NUS1: variants seen among roughly 807,000 people sequenced by gnomAD.
The protein encoded by NUS1 is dehydrodolichyl diphosphate synthase complex subunit NUS1.
For synonymous variants in NUS1, 135 were observed against 155.2 expected, an observed-to-expected ratio of 0.87 and a Z score of 0.97; for missense variants, 292 against 382.9, an observed-to-expected ratio of 0.76 and a Z score of 1.98.
At chr6:117,685,789 A>C (rs1306592493) in intron 1 of NUS1, among the ~76,000 whole-genome samples, 2 of 152,194 alleles carry the variant, frequency 1.3e-5, no homozygotes, top group Non-Finnish European at 2.9e-5. Context: ...TAGATTCCCA[A>C]GTCACTCCTA....
intron 3 of NUS1, among the ~76,000 whole-genome samples, chr6:117,697,266 A>G (rs1324402557): frequency 1.3e-5 from 2 of 152,110 alleles, no homozygotes; most frequent in African/African-American, 4.8e-5. Context: ...AGAAGACCAC[A>G]AAACAACCAG....
chr6:117,682,772 C>T (rs534999262), intron 1 of NUS1, among the ~76,000 whole-genome samples: 5 of 152,216 alleles, frequency 3.3e-5, no homozygotes, highest in African/African-American at 1.2e-4. Flanking sequence ...GAATTTGAAC[C>T]AGATTTTTAT....
intron 3 of NUS1, among the ~76,000 whole-genome samples, chr6:117,703,068 T>C (rs559326030): frequency 8.5e-5 from 13 of 152,302 alleles, no homozygotes; most frequent in Admixed American, 6.5e-4. Context: ...GCTCTGGCTC[T>C]GGGGACCAAG....
Position 117,675,739 on chromosome 6 carries a change from C to G in NUS1, c.69C>G (p.Thr23=), listed in dbSNP as rs568916715. The change falls in exon 1 of 5, where the codon ACC becomes ACG. Residue 23 remains threonine, a synonymous_variant. Coordinates refer to ENST00000368494, the MANE Select transcript of NUS1 (RefSeq NM_138459.5). ...TGCTCTGTCTGCACCGCACGCTCAC[C>G]TCCTGGCTCCGCGTTCGGTTCGGCA... ...HALLCLHRTL[T]SWLRVRFGTW... is the part of the protein sequence containing the mutation. The G allele has an allele frequency of 1.1e-4, 176 of 1,543,662 alleles. No homozygotes were observed. In the Middle Eastern group the frequency reaches 3.2e-3, roughly 28 times the overall value.
At chr6:117,705,151 A>G (rs1332199365) in intron 4 of NUS1, among the ~76,000 whole-genome samples, 1 of 152,190 alleles carries the variant, frequency 6.6e-6, no homozygotes, top group Non-Finnish European at 1.5e-5. Context: ...TAAGGAAAAT[A>G]GGGAAGAGAG....
chr6:117,676,719 G>T (rs1247239085), intron 1 of NUS1, among the ~76,000 whole-genome samples: 1 of 152,178 alleles, frequency 6.6e-6, no homozygotes, highest in African/African-American at 2.4e-5. Context: ...GATCGTAATG[G>T]GGCCACAAAG....
At chr6:117,696,003 T>C (rs12202619) in intron 3 of NUS1, among the ~76,000 whole-genome samples, 67,006 of 151,876 alleles carry the variant, frequency 0.44, 17,693 homozygotes, top group Non-Finnish European at 0.61. Context: ...GTATGACTGT[T>C]TGTGTACAAG....
chr6:117,678,496 C>A (rs1391278621), intron 1 of NUS1, among the ~76,000 whole-genome samples: 1 of 151,940 alleles, frequency 6.6e-6, no homozygotes, highest in Admixed American at 6.6e-5. Context: ...AAAAGTAAAG[C>A]AGAGAAGGGA....
At chr6:117,691,586 T>G (rs1285321366) in intron 1 of NUS1, among the ~76,000 whole-genome samples, 2 of 133,602 alleles carry the variant, frequency 1.5e-5, no homozygotes, top group African/African-American at 5.4e-5. Context: ...TATATATATA[T>G]AGTTCAAAAT....
chr6:117,682,041 C>T (rs1773069015), intron 1 of NUS1, among the ~76,000 whole-genome samples: 1 of 152,022 alleles, frequency 6.6e-6, no homozygotes, highest in Admixed American at 6.5e-5. Context: ...ACCATGTTGG[C>T]CAGGCTGGTC....
chr6:117,703,841 T>A, intron 4 of NUS1, 137 bp downstream of exon 4: 1 of 677,500 alleles, frequency 1.5e-6, no homozygotes, highest in African/African-American at 1.8e-5. Flanking sequence ...ACAGTACCAC[T>A]GGTAAAATAA....
intron 1 of NUS1, among the ~76,000 whole-genome samples, chr6:117,691,003 A>T (rs935764043): frequency 2.0e-4 from 30 of 146,670 alleles, no homozygotes; most frequent in Admixed American, 5.4e-4. Flanking sequence ...AAAAAAAAAG[A>T]TTATCATTTT....
intron 3 of NUS1, among the ~76,000 whole-genome samples, chr6:117,696,958 G>C (rs1239437917): frequency 1.3e-5 from 2 of 151,986 alleles, no homozygotes; most frequent in African/African-American, 4.8e-5. Flanking sequence ...AACTTTTCAA[G>C]ACATAGACAG....
At chr6:117,692,519 A>C (rs1289153165) in intron 1 of NUS1, among the ~76,000 whole-genome samples, 1 of 152,060 alleles carries the variant, frequency 6.6e-6, no homozygotes, top group East Asian at 1.9e-4. Flanking sequence ...CTTTGTTTTA[A>C]ATTTACTAAA....
chr6:117,706,223 A>G (rs1237104210), intron 4 of NUS1, among the ~76,000 whole-genome samples: 3 of 152,164 alleles, frequency 2.0e-5, no homozygotes, highest in African/African-American at 7.2e-5. Context: ...TTATTTTCAC[A>G]CTGTAATTGC....
At position 117,703,720 on chromosome 6, in the gene NUS1, C is replaced by T. The variant is rs1024202113; in HGVS notation, c.791+16C>T. On this transcript the variant is annotated intron_variant, in intron 4 of 4. Transcript: ENST00000368494. ...CTGAGATTGTGTAAGTAATTAAAAG[C>T]GTACTGACTTTGTTTAGATTCAGCA... The T allele has an allele frequency of 9.7e-6, 15 of 1,552,714 alleles. No individual in the cohort carries two copies. Among genetic ancestry groups the T allele is most frequent in the African/African-American group, 2.7e-5 (2 of 73,724 alleles).
At chr6:117,689,374 CA>C (rs775020991) in intron 1 of NUS1, among the ~76,000 whole-genome samples, 12 of 151,996 alleles carry the variant, frequency 7.9e-5, no homozygotes, top group Non-Finnish European at 1.5e-4. Context: ...AAAAGAGTAT[CA>C]AAGGAGGGGA....
In NUS1 at chr6:117,701,265, GA is replaced by G. The variant is rs576690749; in HGVS notation, c.692-2339del. 1.7e-3 allele frequency among the ~76,000 whole-genome samples: 226 copies of G among 131,074 alleles called. 6 individuals are homozygous for G. The South Asian group carries it at 0.053, about 30-fold the overall frequency. The allele number at this position is 131,074 out of a possible 152,430, so 86.0% of individuals were successfully genotyped here. On this transcript the variant is annotated intron_variant, in intron 3 of 4. Transcript: ENST00000368494. ...ATTTTCTTTTTTTTTTTTTTTTTGA[GA>G]TGGAGTCTCGCTCTGTCGCCCAGGC...
chr6:117,697,246 A>C (rs1773332897), intron 3 of NUS1, among the ~76,000 whole-genome samples: 1 of 152,102 alleles, frequency 6.6e-6, no homozygotes, highest in Admixed American at 6.6e-5. Flanking sequence ...GAAGGAAGTA[A>C]AGAAGGAAGA....
Sources: gnomAD v4.1 joint callset for allele counts (sites outside exome capture counted in the v4.1 genomes callset) on GRCh38, gnomAD v4.1.1 for gene constraint, MANE v1.5 for transcripts, NCBI Gene and HGNC (gene_info 2026-07-23, HGNC 2026-07-21) for gene names.